EXOC1: variants seen among roughly 807,000 people sequenced by gnomAD.
The protein encoded by EXOC1 is SEC3-like 1.
EXOC1 carries 67 observed loss-of-function variants against 107.7 expected under a neutral mutation model. That is an observed-to-expected ratio of 0.62 (90% CI 0.51 to 0.76). The LOEUF (loss-of-function observed/expected upper bound fraction) is 0.76. EXOC1 is among the 30% of genes least tolerant of loss of function. The pLI is 0.00. For missense variants in EXOC1, 833 were observed against 1,055.7 expected, an observed-to-expected ratio of 0.79 and a Z score of 2.92; for synonymous variants, 348 against 353.5, an observed-to-expected ratio of 0.98 and a Z score of 0.17.
chr4:55,873,321 A>G (rs1419760099), intron 8 of EXOC1, among the ~76,000 whole-genome samples: 3 of 152,146 alleles, frequency 2.0e-5, no homozygotes, highest in Non-Finnish European at 4.4e-5. Flanking sequence ...TTCCCTTAAC[A>G]TTCCACTTGA....
At position 55,892,726 on chromosome 4, in the gene EXOC1, CTA is replaced by C; in HGVS notation, c.1724+17_1724+18del. 6.2e-7 allele frequency: 1 copy of C among 1,612,390 alleles called. No individual in the cohort carries two copies. The highest frequency in any genetic ancestry group is 1.1e-5 in the South Asian group (1 of 91,010). ...GTTTCATCTGAGTATGTCTTTGTTA[CTA>C]TCATTGTTTATTTTGGAAAAAATAA... On this transcript the variant is annotated intron_variant, in intron 14 of 18. Coordinates refer to ENST00000381295, the MANE Select transcript of EXOC1 (RefSeq NM_001024924.2).
At chr4:55,871,531 A>T (rs1446584798) in intron 7 of EXOC1, among the ~76,000 whole-genome samples, 1 of 152,092 alleles carries the variant, frequency 6.6e-6, no homozygotes, top group Admixed American at 6.6e-5. Flanking sequence ...ATTATTTCAA[A>T]ACTTGAGTGT....
chr4:55,887,738 A>AG (rs1724065247), intron 10 of EXOC1, among the ~76,000 whole-genome samples: 1 of 152,056 alleles, frequency 6.6e-6, no homozygotes, highest in Non-Finnish European at 1.5e-5. Flanking sequence ...AAAAAAAAAA[A>AG]AAAGGAAACC....
intron 10 of EXOC1, among the ~76,000 whole-genome samples, chr4:55,884,307 G>A (rs568816219): frequency 3.4e-4 from 51 of 152,034 alleles, no homozygotes; most frequent in Non-Finnish European, 6.5e-4. Flanking sequence ...AACAGTTGGG[G>A]GCAAGTCACT....
chr4:55,903,908 T>A (rs1021522522), intron 18 of EXOC1, among the ~76,000 whole-genome samples: 8 of 152,186 alleles, frequency 5.3e-5, no homozygotes, highest in Non-Finnish European at 2.9e-5. Context: ...CTTTAAATGT[T>A]ATAGGAAATG....
At chr4:55,885,407 C>G (rs1723777862) in intron 10 of EXOC1, among the ~76,000 whole-genome samples, 1 of 152,012 alleles carries the variant, frequency 6.6e-6, no homozygotes, top group African/African-American at 2.4e-5. Context: ...AACCTGAAAC[C>G]TAAATTTTTT....
chr4:55,902,085 AAAC>A (rs1412501188), intron 17 of EXOC1: 17 of 237,958 alleles, frequency 7.1e-5, no homozygotes, highest in Non-Finnish European at 1.1e-4. Context: ...ATTTAGGAAA[AAAC>A]AATATTAAAT....
rs1357963178 is a variant in EXOC1 at position 55,860,431 on chromosome 4, C to A, written c.145C>A (p.Gln49Lys). 1.2e-6 allele frequency: 2 copies of A among 1,613,554 alleles called. No individual in the cohort carries two copies. Among genetic ancestry groups the A allele is most frequent in the South Asian group, 1.1e-5 (1 of 91,064 alleles). ...CATVTTERPV[Q>K]VKVVKVKKSD... Reference sequence around the variant, plus strand: ...AACAGTGACAACTGAACGCCCTGTGCAGGTTAAGGTGGTCAAAGTCAAGAA... The same window carrying A: ...AACAGTGACAACTGAACGCCCTGTGAAGGTTAAGGTGGTCAAAGTCAAGAA... Residue 49 changes from glutamine to lysine, a missense_variant, in exon 3 of 19, where the codon CAG becomes AAG. Gln to Lys is a moderately conservative substitution (Grantham distance 53). This residue lies in a region of EXOC1 where 617 missense variants were observed against 701.3 expected (regional missense o/e 0.88). Transcript: ENST00000381295.
intron 9 of EXOC1, among the ~76,000 whole-genome samples, chr4:55,882,489 A>G (rs1723499498): frequency 6.6e-6 from 1 of 152,208 alleles, no homozygotes; most frequent in South Asian, 2.1e-4. Flanking sequence ...ATACATCCCA[A>G]TGAAATAGGA....
At chr4:55,887,630 A>G (rs1235952569) in intron 10 of EXOC1, among the ~76,000 whole-genome samples, 1 of 151,918 alleles carries the variant, frequency 6.6e-6, no homozygotes, top group African/African-American at 2.4e-5. Flanking sequence ...GGTGATCCAC[A>G]TCTATAATCT....
chr4:55,902,502 T>A lies in EXOC1; in HGVS notation c.2496T>A (p.Val832=). 1.3e-6 allele frequency: 2 copies of A among 1,548,844 alleles called. No individual in the cohort carries two copies. Among genetic ancestry groups the A allele is most frequent in the Non-Finnish European group, 1.7e-6 (2 of 1,155,292 alleles). ...KKGLDNLYKK[V]DKHLCEEENL... ...GTCTAGATAACCTCTACAAGAAAGTTGATAAACATTTATGTGAAGAAGAGA... is the reference window on the plus strand; with the variant it reads ...GTCTAGATAACCTCTACAAGAAAGTAGATAAACATTTATGTGAAGAAGAGA... The change falls in exon 18 of 19, where the codon GTT becomes GTA. Residue 832 remains valine, a synonymous_variant. Transcript: ENST00000381295.
chr4:55,898,697 A>G (rs1003841632), intron 16 of EXOC1, among the ~76,000 whole-genome samples: 1 of 152,150 alleles, frequency 6.6e-6, no homozygotes. Flanking sequence ...TTTAATATAA[A>G]AGTGTTGTCA....
chr4:55,878,821 C>T (rs1353349198), intron 9 of EXOC1, among the ~76,000 whole-genome samples: 1 of 152,090 alleles, frequency 6.6e-6, no homozygotes, highest in Non-Finnish European at 1.5e-5. Flanking sequence ...TATTCTAGGG[C>T]AGTGAGAAAT....
chr4:55,896,860 T>C lies in EXOC1; in HGVS notation c.2097T>C (p.Asp699=). The C allele has an allele frequency of 1.2e-6, 2 of 1,608,978 alleles. No individual in the cohort carries two copies. Among genetic ancestry groups the C allele is most frequent in the Non-Finnish European group, 1.7e-6 (2 of 1,178,472 alleles). ...ATGCTGAGCGTCGTGGAGACCTGGA[T>C]AAAGCATACACCAAACTTATCAGAG... ...FKNAERRGDL[D]KAYTKLIRGV... is the part of the protein sequence containing the mutation. Residue 699 remains aspartate (D), a synonymous_variant, in exon 16 of 19, where the codon GAT becomes GAC. Coordinates refer to ENST00000381295, the MANE Select transcript of EXOC1 (RefSeq NM_001024924.2).
chr4:55,876,068 T>C (rs1722868452), intron 8 of EXOC1: 1 of 985,002 alleles, frequency 1.0e-6, no homozygotes, highest in Non-Finnish European at 1.2e-6. Context: ...AATGTTTATA[T>C]TGACCTTTGG....
At chr4:55,866,346 A>G (rs932215175) in intron 4 of EXOC1, among the ~76,000 whole-genome samples, 5 of 152,072 alleles carry the variant, frequency 3.3e-5, no homozygotes, top group Non-Finnish European at 7.4e-5. Context: ...TTTACTTGCA[A>G]CCAGCTTTTT....
At chr4:55,876,043 A>C in intron 8 of EXOC1, 6 of 984,724 alleles carry the variant, frequency 6.1e-6, no homozygotes, top group Non-Finnish European at 7.2e-6. Flanking sequence ...TGGTTAGAAA[A>C]CATTTCTGTA....
chr4:55,862,723 A>G (rs184221313), intron 3 of EXOC1, among the ~76,000 whole-genome samples: 98 of 152,344 alleles, frequency 6.4e-4, no homozygotes, highest in Non-Finnish European at 7.2e-4. Context: ...CCAGTTCTTC[A>G]CAGTGAAAGT....
intron 12 of EXOC1, 113 bp from the exon 13 acceptor site, chr4:55,891,202 A>G: frequency 3.0e-6 from 2 of 659,294 alleles, no homozygotes; most frequent in Non-Finnish European, 5.4e-6. Context: ...AAATTCATAG[A>G]TTAGTGAGAT....
Sources: gnomAD v4.1 joint callset for allele counts (sites outside exome capture counted in the v4.1 genomes callset) on GRCh38, gnomAD v4.1.1 for gene constraint, gnomAD v4.1.1 regional missense constraint, MANE v1.5 for transcripts, NCBI Gene and HGNC (gene_info 2026-07-23, HGNC 2026-07-21) for gene names.